The following MCM5 variants were observed in gnomAD, a reference collection of about 807,000 sequenced individuals.
MCM5 encodes DNA replication licensing factor MCM5.
A neutral mutation model predicts 79.9 loss-of-function variants in MCM5; 46 were observed. The ratio of observed to expected loss-of-function variants is 0.58; its 90% CI spans 0.45 to 0.74. MCM5 has a LOEUF of 0.74. MCM5 is among the 30% of genes least tolerant of loss of function. The pLI, the probability that MCM5 is intolerant of heterozygous loss-of-function variation, is 0.00. For synonymous variants in MCM5, 404 were observed against 390.5 expected, an observed-to-expected ratio of 1.03 and a Z score of -0.41; for missense variants, 883 against 1,017.0, an observed-to-expected ratio of 0.87 and a Z score of 1.79.
the MCM5 span, among the ~76,000 whole-genome samples, chr22:35,447,417 G>GT: frequency 6.6e-6 from 1 of 151,892 alleles, no homozygotes; most frequent in Non-Finnish European, 1.5e-5. Context: ...TGGGAGAAGG[G>GT]TGTGGGGCTT....
the MCM5 span, among the ~76,000 whole-genome samples, chr22:35,440,396 C>T: frequency 7.2e-5 from 11 of 152,188 alleles, no homozygotes; most frequent in Non-Finnish European, 1.2e-4. Context: ...GAGCATTGAA[C>T]TGGCTGATCC....
Position 35,421,305 on chromosome 22 carries a change from G to A in MCM5, c.1833-13G>A, listed in dbSNP as rs773450169. On this transcript the variant is annotated splice_polypyrimidine_tract_variant and intron_variant, in intron 14 of 16. Transcript: ENST00000216122. The stretch of plus-strand genomic sequence containing the variant: ...GGACCGAGGCTACCCTGAGCACGCT[G>A]TTGCCCCCACAGGCAGCTGGAGGCC... 2 of 1,610,876 alleles carry A rather than the reference G, an allele frequency of 1.2e-6. No homozygotes were observed. Among genetic ancestry groups the A allele is most frequent in the South Asian group, 2.2e-5 (2 of 91,030 alleles).
chr22:35,422,053 A>G (rs1398767893), intron 15 of MCM5: 1 of 176,222 alleles, frequency 5.7e-6, no homozygotes, highest in African/African-American at 2.4e-5. Context: ...CGCTGGGGAA[A>G]ATCTGTTCCT....
At chr22:35,417,622 G>A in intron 12 of MCM5, 122 bp from the exon 13 acceptor site, 1 of 721,398 alleles carries the variant, frequency 1.4e-6, no homozygotes, top group South Asian at 1.6e-5. Flanking sequence ...TGAGATCTCA[G>A]CACCCTTTCC....
rs1932116669 is a variant in MCM5, at chr22:35,403,351, C to T, written c.294+18C>T. On this transcript the variant is annotated intron_variant, in intron 3 of 16. Coordinates refer to ENST00000216122, the MANE Select transcript of MCM5 (RefSeq NM_006739.4). ...TGCAGCTGGTGAGTGGGACCCCATC[C>T]CTGAGCTTCCCAGGGCTGCTCTGCC... 3 of 1,613,964 alleles carry T rather than the reference C, an allele frequency of 1.9e-6. No individual in the cohort carries two copies. Among genetic ancestry groups the T allele is most frequent in the South Asian group, 1.1e-5 (1 of 91,076 alleles).
At chr22:35,413,810 G>A (rs1932457664) in intron 8 of MCM5, 65 bp from the exon 9 acceptor site, 1 of 925,074 alleles carries the variant, frequency 1.1e-6, no homozygotes, top group Non-Finnish European at 1.8e-6. Context: ...CCAATCTGGT[G>A]ACTGGATGTC....
At chr22:35,412,434 T>G in intron 7 of MCM5, 76 bp from the exon 8 acceptor site, 16 of 1,301,102 alleles carry the variant, frequency 1.2e-5, no homozygotes, top group Non-Finnish European at 1.5e-5. Flanking sequence ...GGGAGGTCCC[T>G]GAGCTGGTGC....
At position 35,416,862 on chromosome 22, in the gene MCM5, G is replaced by A. The variant is rs1192562279; in HGVS notation, c.1590+48G>A. The A allele has an allele frequency of 4.4e-6, 7 of 1,593,374 alleles. No individual in the cohort carries two copies. The African/African-American group carries it at 9.4e-5, about 21-fold the overall frequency. ...TGGCCATGGGACCTGCCTCCAGGCA[G>A]GCTTGTGATTGTGTGGGAAGGAGAA... On this transcript the variant is annotated intron_variant, in intron 12 of 16. Coordinates refer to ENST00000216122, the MANE Select transcript of MCM5 (RefSeq NM_006739.4).
chr22:35,410,332 G>A (rs939340475), intron 6 of MCM5: 1 of 199,430 alleles, frequency 5.0e-6, no homozygotes, highest in South Asian at 7.7e-5. Context: ...AAGGAGGCTG[G>A]GGGGCGTGAA....
chr22:35,434,878 G>A, the MCM5 span, among the ~76,000 whole-genome samples: 9 of 152,302 alleles, frequency 5.9e-5, no homozygotes, highest in East Asian at 5.8e-4. Context: ...GAGGCAGGGC[G>A]CGGTGGCTCA....
chr22:35,449,106 G>T, the MCM5 span, among the ~76,000 whole-genome samples: 1 of 152,164 alleles, frequency 6.6e-6, no homozygotes, highest in Non-Finnish European at 1.5e-5. Context: ...ACTAGGAGCA[G>T]GAAAGCAACC....
chr22:35,438,521 AT>A, the MCM5 span, among the ~76,000 whole-genome samples: 5 of 149,484 alleles, frequency 3.3e-5, no homozygotes, highest in African/African-American at 5.0e-5. Context: ...CTATGCATCC[AT>A]CCATCTACAT....
In MCM5 at chr22:35,415,875, C is replaced by G; in HGVS notation, c.1250C>G (p.Ser417Trp). 3 of 1,614,016 alleles carry G rather than the reference C, an allele frequency of 1.9e-6. No individual in the cohort carries two copies. The highest frequency in any genetic ancestry group is 2.5e-6 in the Non-Finnish European group (3 of 1,180,010). ...KGSSAAGLTA[S>W]VMRDPSSRNF... is the part of the protein sequence containing the mutation. ...AGCAGCGCAGCTGGACTGACAGCCT[C>G]GGTGATGAGGGACCCTTCGTCCCGG... is the stretch of plus-strand genomic sequence containing the variant. Residue 417 changes from serine (S) to tryptophan (W), a missense_variant, in exon 10 of 17, where the codon TCG becomes TGG. Physicochemically the swap from Ser to Trp is radical, Grantham distance 177. Around this residue, in one of 3 missense-constraint regions of MCM5, gnomAD observed 426 missense variants for 482.3 expected, o/e 0.88. Transcript: ENST00000216122.
Position 35,421,466 on chromosome 22 carries a change from C to T in MCM5, c.1975+6C>T, listed in dbSNP as rs1448439405. 1.9e-6 allele frequency: 3 copies of T among 1,614,058 alleles called. No homozygotes were observed. Among genetic ancestry groups the T allele is most frequent in the Non-Finnish European group, 2.5e-6 (3 of 1,180,036 alleles). On this transcript the variant is annotated splice_donor_region_variant and intron_variant, in intron 15 of 16. Transcript: ENST00000216122. ...CTTGTCCGGTACCCTGTCAGGTGAG[C>T]AGATGCAGGGGCCATGGTCTCAATT...
At chr22:35,436,570 G>A in the MCM5 span, among the ~76,000 whole-genome samples, 2 of 152,170 alleles carry the variant, frequency 1.3e-5, no homozygotes, top group South Asian at 2.1e-4. Flanking sequence ...CTCATGGGCC[G>A]GGGCTTCTGG....
Position 35,406,684 on chromosome 22 carries a change from C to T in MCM5, c.555C>T (p.Arg185=). ...ACACCCTCACCAACATTGCCATGCG[C>T]CCTGGCCTCGAGGGCTATGCCCTGC... is the stretch of plus-strand genomic sequence containing the variant. ...CRNTLTNIAM[R]PGLEGYALPR... Residue 185 remains arginine (R), a synonymous_variant, in exon 5 of 17, where the codon CGC becomes CGT. Coordinates refer to ENST00000216122, the MANE Select transcript of MCM5 (RefSeq NM_006739.4). 6.2e-7 allele frequency: 1 copy of T among 1,610,892 alleles called. No individual in the cohort carries two copies. Among genetic ancestry groups the T allele is most frequent in the South Asian group, 1.1e-5 (1 of 91,080 alleles).
intron 15 of MCM5, chr22:35,421,974 CATA>C: frequency 4.4e-6 from 1 of 228,116 alleles, no homozygotes; most frequent in Non-Finnish European, 8.8e-6. Flanking sequence ...CACCATAAGC[CATA>C]CTGTCTGGTT....
the MCM5 span, among the ~76,000 whole-genome samples, chr22:35,437,577 T>A: frequency 6.6e-6 from 1 of 152,218 alleles, no homozygotes; most frequent in African/African-American, 2.4e-5. Flanking sequence ...CAAATAGATT[T>A]CCTTTCAGTT....
Position 35,400,564 on chromosome 22 carries a change from C to G in MCM5, c.126C>G (p.Tyr42Ter), listed in dbSNP as rs763140069. The G allele has an allele frequency of 6.2e-7, 1 of 1,613,728 alleles. No individual in the cohort carries two copies. The highest frequency in any genetic ancestry group is 8.5e-7 in the Non-Finnish European group (1 of 1,179,870). Reference sequence around the variant, plus strand: ...GCTTCAAGGAGTTCCTGCGGCAGTACCGAGTGGGCACCGACCGCACGGGCT... The same window carrying G: ...GCTTCAAGGAGTTCCTGCGGCAGTAGCGAGTGGGCACCGACCGCACGGGCT... ...QRRFKEFLRQ[Y>*]RVGTDRTGFT... The change falls in exon 2 of 17, where the codon TAC (tyrosine) becomes TAG (stop). Residue 42 changes from tyrosine to a stop codon, truncating the protein, a stop_gained. Transcript: ENST00000216122. LOFTEE classifies it high-confidence loss of function.
Sources: allele counts gnomAD v4.1 joint callset (sites outside exome capture counted in the v4.1 genomes callset), GRCh38; gene constraint gnomAD v4.1.1; regional missense constraint gnomAD v4.1.1; transcripts MANE v1.5; gene names NCBI Gene and HGNC (gene_info 2026-07-23, HGNC 2026-07-21).